The following BEAN1 variants were observed in gnomAD, a reference collection of about 807,000 sequenced individuals.
The protein encoded by BEAN1 is protein BEAN1.
A neutral mutation model predicts 17.7 loss-of-function variants in BEAN1; 17 were observed. That is an observed-to-expected ratio of 0.96 (90% CI 0.66 to 1.44). The LOEUF (loss-of-function observed/expected upper bound fraction) is 1.44. Among genes scored for constraint, BEAN1 ranks in the 40% most tolerant of loss-of-function variants. The pLI, the probability that BEAN1 is intolerant of heterozygous loss-of-function variation, is 0.00. For synonymous variants in BEAN1, 142 were observed against 151.8 expected, an observed-to-expected ratio of 0.94 and a Z score of 0.47; for missense variants, 359 against 374.1, an observed-to-expected ratio of 0.96 and a Z score of 0.33.
At chr16:66,492,231 G>T (rs889747048) in intron 4 of BEAN1, among the ~76,000 whole-genome samples, 3 of 151,288 alleles carry the variant, frequency 2.0e-5, no homozygotes, top group African/African-American at 7.3e-5. Flanking sequence ...TAGTAGAGAC[G>T]GGGTTTCACC....
At chr16:66,444,744 C>T (rs1195559468) in intron 2 of BEAN1, among the ~76,000 whole-genome samples, 2 of 152,148 alleles carry the variant, frequency 1.3e-5, no homozygotes, top group Non-Finnish European at 2.9e-5. Flanking sequence ...ATGGGGGTAT[C>T]CCAGTGCTGT....
chr16:66,446,536 G>C (rs531926517), intron 2 of BEAN1, among the ~76,000 whole-genome samples: 18 of 152,226 alleles, frequency 1.2e-4, no homozygotes, highest in South Asian at 4.2e-4. Context: ...GTGAATGTGG[G>C]GTTCAGAGAA....
At chr16:66,487,819 C>T (rs753899995), downstream of BEAN1, among the ~76,000 whole-genome samples, 2 of 152,198 alleles carry the variant, frequency 1.3e-5, no homozygotes. Context: ...GCAGCCCCTG[C>T]AGATCTCCCA....
intron 1 of BEAN1, among the ~76,000 whole-genome samples, chr16:66,431,301 A>G (rs1284738277): frequency 1.3e-5 from 2 of 152,152 alleles, no homozygotes; most frequent in Non-Finnish European, 2.9e-5. Flanking sequence ...ACAAACAAAC[A>G]AAAACCCCAC....
rs1473990593 is a variant in BEAN1, at chr16:66,427,830, C to G, written c.-83+399C>G. On this transcript the variant is annotated intron_variant, in intron 1 of 4. Coordinates refer to ENST00000536005, the MANE Select transcript of BEAN1 (RefSeq NM_001178020.3). This position sits in a 1 kb window ranked among gnomAD's most constrained non-coding sequence, Gnocchi z 4.7. The stretch of plus-strand genomic sequence containing the variant: ...CTCGGTTTCGGGGACCCCTGAACAA[C>G]CCAACCAAGAAGGGAAAACTAGGGC... 1.3e-5 allele frequency: 2 copies of G among 152,206 alleles called. No individual in the cohort carries two copies. The highest frequency in any genetic ancestry group is 2.9e-5 in the Non-Finnish European group (2 of 68,092). 9.4% of individuals were successfully genotyped at this position (152,206 alleles called of 1,614,324 possible). A position where few individuals can be genotyped will look rare whatever the true frequency, so the allele number is the denominator to read the frequency against.
chr16:66,459,444 C>T (rs778644577), intron 2 of BEAN1, among the ~76,000 whole-genome samples: 42 of 152,108 alleles, frequency 2.8e-4, no homozygotes, highest in Non-Finnish European at 4.0e-4. Context: ...CTCAGCTTCC[C>T]GAGTAGCTGG....
chr16:66,457,674 T>C (rs185044937), intron 2 of BEAN1, among the ~76,000 whole-genome samples: 32 of 152,262 alleles, frequency 2.1e-4, no homozygotes, highest in African/African-American at 7.5e-4. Flanking sequence ...CCAGCCCTTC[T>C]GTGTCCTCCT....
chr16:66,444,831 G>A (rs548937344), intron 2 of BEAN1, among the ~76,000 whole-genome samples: 6 of 152,282 alleles, frequency 3.9e-5, no homozygotes, highest in African/African-American at 1.4e-4. Context: ...GCCCGGCACT[G>A]TGGCGGGAGC....
At chr16:66,444,709 G>C (rs1962380196) in intron 2 of BEAN1, among the ~76,000 whole-genome samples, 1 of 152,202 alleles carries the variant, frequency 6.6e-6, no homozygotes, top group African/African-American at 2.4e-5. Flanking sequence ...TGACCTCCCT[G>C]AGCCTCAGTT....
At chr16:66,444,021 C>T (rs566667734) in intron 2 of BEAN1, among the ~76,000 whole-genome samples, 2 of 152,336 alleles carry the variant, frequency 1.3e-5, no homozygotes, top group Admixed American at 1.3e-4. Context: ...ATTCAGGTCT[C>T]TGGCAAGAGG....
At chr16:66,476,898 G>A (rs1963770246) in intron 3 of BEAN1, among the ~76,000 whole-genome samples, 1 of 152,140 alleles carries the variant, frequency 6.6e-6, no homozygotes, top group Admixed American at 6.5e-5. Context: ...AGAGGAGAAT[G>A]CAGTGTGGGG....
intron 2 of BEAN1, among the ~76,000 whole-genome samples, chr16:66,439,501 A>C (rs1962163983): frequency 6.6e-6 from 1 of 152,184 alleles, no homozygotes; most frequent in Non-Finnish European, 1.5e-5. Flanking sequence ...AGGGCTTTCC[A>C]GAACCTTTTG....
chr16:66,456,976 A>G (rs921367889), intron 2 of BEAN1, among the ~76,000 whole-genome samples: 3 of 152,180 alleles, frequency 2.0e-5, no homozygotes, highest in African/African-American at 7.2e-5. Context: ...TTTTAACACA[A>G]TGGTTGAAAA....
At chr16:66,488,750 G>A (rs2142485543) in intron 4 of BEAN1, among the ~76,000 whole-genome samples, 1 of 151,842 alleles carries the variant, frequency 6.6e-6, no homozygotes, top group Admixed American at 6.5e-5. Context: ...TGGCTTTTAA[G>A]ATGGAGGAAG....
chr16:66,488,941 G>A (rs1327243071), intron 4 of BEAN1, among the ~76,000 whole-genome samples: 3 of 152,006 alleles, frequency 2.0e-5, no homozygotes, highest in Non-Finnish European at 2.9e-5. Context: ...AGAGGCCGAG[G>A]CAGGTGGATT....
intron 2 of BEAN1, among the ~76,000 whole-genome samples, chr16:66,443,100 T>G (rs1489253148): frequency 6.6e-6 from 1 of 152,232 alleles, no homozygotes; most frequent in Non-Finnish European, 1.5e-5. Flanking sequence ...CTGGAACACA[T>G]GCAGACACTG....
intron 4 of BEAN1, among the ~76,000 whole-genome samples, chr16:66,478,671 T>C (rs529852558): frequency 2.3e-4 from 35 of 152,288 alleles, no homozygotes; most frequent in African/African-American, 7.9e-4. Flanking sequence ...GACACAGAAG[T>C]GCCAGTAAAA....
At chr16:66,488,864 G>A (rs974654766) in intron 4 of BEAN1, among the ~76,000 whole-genome samples, 3 of 151,886 alleles carry the variant, frequency 2.0e-5, no homozygotes, top group Non-Finnish European at 4.4e-5. Context: ...TTTGGACCTC[G>A]GTCTGACCTT....
Position 66,481,395 on chromosome 16 carries a change from C to A in BEAN1, c.*470C>A. On this transcript the variant is annotated 3_prime_UTR_variant, in exon 5 of 5. Coordinates refer to ENST00000536005, the MANE Select transcript of BEAN1 (RefSeq NM_001178020.3). This position sits in a 1 kb window ranked among gnomAD's most constrained non-coding sequence, Gnocchi z 4.1. Reference sequence around the variant, plus strand: ...ATCCAAGGTCAGCTGCCTGCCCTGACCCCTACCCCAGGGCCAGCTTGTCCT... The same window carrying A: ...ATCCAAGGTCAGCTGCCTGCCCTGAACCCTACCCCAGGGCCAGCTTGTCCT... The A allele has an allele frequency of 2.5e-6, 1 of 397,026 alleles. No homozygotes were observed. The highest frequency in any genetic ancestry group is 4.4e-6 in the Non-Finnish European group (1 of 225,634). 24.6% of individuals were successfully genotyped at this position (397,026 alleles called of 1,614,324 possible).
Sources: gnomAD v4.1 joint callset for allele counts (sites outside exome capture counted in the v4.1 genomes callset) on GRCh38, gnomAD v4.1.1 for gene constraint, Gnocchi (gnomAD v3.1) non-coding constraint, MANE v1.5 for transcripts, NCBI Gene and HGNC (gene_info 2026-07-23, HGNC 2026-07-21) for gene names.